Variants in TJP1 observed in about 807,000 individuals in gnomAD.
TJP1 encodes the protein tight junction protein 1, also known as tight junction protein ZO-1.
A neutral mutation model predicts 194.2 loss-of-function variants in TJP1; 43 were observed. That is an observed-to-expected ratio of 0.22 (90% CI 0.17 to 0.29). TJP1 has a LOEUF of 0.29. TJP1 is among the 10% of genes least tolerant of loss of function. The pLI is 1.00. For synonymous variants in TJP1, 801 were observed against 779.0 expected (o/e 1.03, Z -0.47); for missense variants, 1,971 against 2,185.7 (o/e 0.90, Z 1.96).
At chr15:29,820,506 CAGG>C (rs1487767861) in intron 1 of TJP1, 25 of 716,404 alleles carry the variant, frequency 3.5e-5, no homozygotes, top group Middle Eastern at 4.6e-4. Flanking sequence ...TACTATAATT[CAGG>C]AGAAGTACTC....
chr15:29,796,139 G>C (rs1327689367), intron 2 of TJP1, among the ~76,000 whole-genome samples: 1 of 151,838 alleles, frequency 6.6e-6, no homozygotes, highest in Non-Finnish European at 1.5e-5. Context: ...AAGTATGCCT[G>C]CTCACCATTC....
intron 2 of TJP1, among the ~76,000 whole-genome samples, chr15:29,868,613 C>T (rs760808782): frequency 9.2e-5 from 14 of 151,952 alleles, no homozygotes; most frequent in Non-Finnish European, 1.6e-4. Flanking sequence ...AAAAATAAAC[C>T]AAGAGAATGA....
chr15:29,800,615 A>G, intron 2 of TJP1, 31 bp downstream of exon 2: 1 of 1,611,734 alleles, frequency 6.2e-7, no homozygotes. Flanking sequence ...CCTGAGTTAT[A>G]CACAGATTAC....
rs759442574 is a variant in TJP1 at position 29,705,566 on chromosome 15, C to T, written c.5030G>A (p.Arg1677Gln). Residue 1677 changes from arginine to glutamine, a missense_variant, in exon 26 of 28, where the codon CGG becomes CAG. Around this residue, in one of 5 missense-constraint regions of TJP1, gnomAD observed 1,108 missense variants for 1,128.5 expected, o/e 0.98. Transcript: ENST00000614355. ...TAAAGGTGGAAGGATGCTGTTGTCC[C>T]GGCAGACCTTGAAATAGATTTCCTG... ...VEQEIYFKVC[R>Q]DNSILPPLDK... is the part of the protein sequence containing the mutation. 14 of 1,614,182 alleles carry T rather than the reference C, an allele frequency of 8.7e-6. No individual in the cohort carries two copies. Among genetic ancestry groups the T allele is most frequent in the East Asian group, 4.5e-5 (2 of 44,886 alleles).
At chr15:29,949,244 T>A (rs1313124903) in intron 2 of TJP1, among the ~76,000 whole-genome samples, 7,434 of 41,470 alleles carry the variant, frequency 0.18, 1,523 homozygotes, top group East Asian at 0.33. Flanking sequence ...TACCTCCACC[T>A]TCACCACCAC....
In TJP1 at chr15:29,700,449, T is replaced by C; in HGVS notation, c.*1146A>G. 1 of 398,888 alleles carries C rather than the reference T, an allele frequency of 2.5e-6. No homozygotes were observed. The highest frequency in any genetic ancestry group is 4.4e-6 in the Non-Finnish European group (1 of 226,020). 24.7% of individuals were successfully genotyped at this position (398,888 alleles called of 1,614,324 possible). A position where few individuals can be genotyped will look rare whatever the true frequency, so the allele number is the denominator to read the frequency against. The stretch of plus-strand genomic sequence containing the variant: ...AATGTAACAACTCTGTGCATCCTTT[T>C]TCTTAAAAAAAATGACCTTGCATGT... On this transcript the variant is annotated 3_prime_UTR_variant, in exon 28 of 28. Transcript: ENST00000614355.
intron 2 of TJP1, among the ~76,000 whole-genome samples, chr15:29,781,396 A>G (rs1041763713): frequency 6.6e-6 from 1 of 152,222 alleles, no homozygotes; most frequent in Non-Finnish European, 1.5e-5. Context: ...TGTACAAACA[A>G]GAGCTGGAAC....
intron 23 of TJP1, 37 bp downstream of exon 23, chr15:29,716,574 T>A (rs377116885): frequency 5.8e-5 from 85 of 1,460,572 alleles, no homozygotes; most frequent in Non-Finnish European, 7.8e-5. Context: ...ATTAATATGC[T>A]GCATCCTATT....
upstream of TJP1, among the ~76,000 whole-genome samples, chr15:29,826,135 A>G (rs1403561383): frequency 7.6e-6 from 1 of 131,552 alleles, no homozygotes; most frequent in Admixed American, 8.3e-5. Flanking sequence ...TACCAACACC[A>G]TTTCATTTTT....
chr15:29,719,933 T>C lies in TJP1; in HGVS notation c.2847A>G (p.Val949=). 2 of 1,614,178 alleles carry C rather than the reference T, an allele frequency of 1.2e-6. No homozygotes were observed. Among genetic ancestry groups the C allele is most frequent in the Non-Finnish European group, 1.7e-6 (2 of 1,180,038 alleles). ...ASSTSAVNHN[V]NLTNVRLEEP... ...CCTCCAGTCTGACATTAGTTAAATTTACATTATGATTAACAGCAGAGGTTG... is the reference window on the plus strand; with the variant it reads ...CCTCCAGTCTGACATTAGTTAAATTCACATTATGATTAACAGCAGAGGTTG... The change falls in exon 20 of 28, where the codon GTA becomes GTG. Residue 949 remains valine (V), a synonymous_variant. Transcript: ENST00000614355.
At chr15:29,847,562 G>T (rs1462523162) in intron 2 of TJP1, among the ~76,000 whole-genome samples, 1 of 152,074 alleles carries the variant, frequency 6.6e-6, no homozygotes, top group Non-Finnish European at 1.5e-5. Context: ...GAGGTGGGCG[G>T]ATCACGAGGT....
At chr15:29,935,077 A>G (rs1318793915) in intron 2 of TJP1, among the ~76,000 whole-genome samples, 1 of 152,238 alleles carries the variant, frequency 6.6e-6, no homozygotes, top group Non-Finnish European at 1.5e-5. Flanking sequence ...CATTCACATT[A>G]TTCCGTGTTC....
In TJP1 at chr15:29,708,695, T is replaced by C. The variant is rs986902651; in HGVS notation, c.4714A>G (p.Lys1572Glu). 6.2e-6 allele frequency: 10 copies of C among 1,614,106 alleles called. No homozygotes were observed. Among genetic ancestry groups the C allele is most frequent in the Non-Finnish European group, 7.6e-6 (9 of 1,180,056 alleles). Residue 1572 changes from lysine (K) to glutamate (E), a missense_variant, in exon 25 of 28, where the codon AAA becomes GAA. Lys to Glu is a moderately conservative substitution (Grantham distance 56). Coordinates refer to ENST00000614355, the MANE Select transcript of TJP1 (RefSeq NM_001330239.4). ...DLSSKTPTSP[K>E]TLVKSHSLAQ... ...AAACTGTGCGATTTCACAAGAGTTT[T>C]TGGAGAAGTGGGAGTTTTTGAAGAC...
In TJP1 at chr15:29,709,312, T is replaced by C. The variant is rs111952894; in HGVS notation, c.4373-276A>G. On this transcript the variant is annotated intron_variant, in intron 24 of 27. Coordinates refer to ENST00000614355, the MANE Select transcript of TJP1 (RefSeq NM_001330239.4). ...GATTGGCACTAGTCTTTGTGAAAACTAGAATGCCCAATAATCATATAATAA... is the reference window on the plus strand; with the variant it reads ...GATTGGCACTAGTCTTTGTGAAAACCAGAATGCCCAATAATCATATAATAA... 4.1e-3 allele frequency among the ~76,000 whole-genome samples: 625 copies of C among 152,244 alleles called. 6 individuals carry two copies. The highest frequency in any genetic ancestry group is 0.015 in the African/African-American group (606 of 41,546).
intron 2 of TJP1, among the ~76,000 whole-genome samples, chr15:29,925,653 C>A (rs1344529726): frequency 6.6e-6 from 1 of 152,180 alleles, no homozygotes; most frequent in East Asian, 1.9e-4. Flanking sequence ...ATGTGTCACA[C>A]TGAGTCAGCA....
chr15:29,945,084 C>T (rs1166040333), intron 2 of TJP1, among the ~76,000 whole-genome samples: 1 of 152,178 alleles, frequency 6.6e-6, no homozygotes, highest in Non-Finnish European at 1.5e-5. Flanking sequence ...TACTTGTACA[C>T]TTGTGATCAC....
chr15:29,906,210 C>T (rs1596228647), intron 2 of TJP1, among the ~76,000 whole-genome samples: 1 of 152,044 alleles, frequency 6.6e-6, no homozygotes, highest in Non-Finnish European at 1.5e-5. Context: ...CGGTGGCTCA[C>T]GCCTATAATC....
intron 2 of TJP1, among the ~76,000 whole-genome samples, chr15:29,850,303 G>A (rs2051591081): frequency 6.6e-6 from 1 of 152,122 alleles, no homozygotes; most frequent in Non-Finnish European, 1.5e-5. Context: ...TATTATTTTA[G>A]AGACTTTGTG....
chr15:29,833,881 A>ATATATATATTTTTTTTTT (rs1555434000), intron 2 of TJP1, among the ~76,000 whole-genome samples: 2 of 12,616 alleles, frequency 1.6e-4, no homozygotes, highest in Non-Finnish European at 1.4e-4. Context: ...ATATATATAT[A>ATATATATATTTTTTTTTT]TTTTTTTTTT....
Sources: gnomAD v4.1 joint callset for allele counts (sites outside exome capture counted in the v4.1 genomes callset) on GRCh38, gnomAD v4.1.1 for gene constraint, gnomAD v4.1.1 regional missense constraint, MANE v1.5 for transcripts, NCBI Gene and HGNC (gene_info 2026-07-23, HGNC 2026-07-21) for gene names.